Variants in LPAR5 observed in about 807,000 individuals in gnomAD.
The protein encoded by LPAR5 is G protein-coupled receptor 92.
For missense variants in LPAR5, 544 were observed against 521.8 expected, an observed-to-expected ratio of 1.04 and a Z score of -0.41; for synonymous variants, 271 against 261.6, an observed-to-expected ratio of 1.04 and a Z score of -0.35.
chr12:6,622,470 T>A (rs1032808688), intron 1 of LPAR5, among the ~76,000 whole-genome samples: 5 of 148,658 alleles, frequency 3.4e-5, no homozygotes, highest in African/African-American at 1.2e-4. Context: ...AAAATAAGGC[T>A]GGGCGTGGTG....
intron 1 of LPAR5, among the ~76,000 whole-genome samples, chr12:6,627,271 A>G (rs1948947989): frequency 6.6e-6 from 1 of 151,278 alleles, no homozygotes; most frequent in African/African-American, 2.4e-5. Context: ...CAGTTTGGGC[A>G]ACAGAGTGAG....
In LPAR5 at chr12:6,621,114, C is replaced by T. The variant is rs1948892420; in HGVS notation, c.135G>A (p.Trp45Ter). 2 of 1,603,778 alleles carry T rather than the reference C, an allele frequency of 1.2e-6. No homozygotes were observed. The highest frequency in any genetic ancestry group is 1.7e-5 in the Admixed American group (1 of 58,954). ...AGLPLNALAL[W>*]VFLRALRVHS... Reference sequence around the variant, plus strand: ...GCACGCGCAGCGCGCGCAGGAAGACCCAGAGGGCTAGCGCGTTGAGGGGGA... The same window carrying T: ...GCACGCGCAGCGCGCGCAGGAAGACTCAGAGGGCTAGCGCGTTGAGGGGGA... Residue 45 changes from tryptophan to a stop codon, truncating the protein, a stop_gained, in exon 2 of 2, where the codon TGG becomes TGA. Transcript: ENST00000329858. LOFTEE classifies it low-confidence loss of function (END_TRUNC).
chr12:6,621,343 C>T lies in LPAR5; in HGVS notation c.-95G>A. Reference sequence around the variant, plus strand: ...CACCTCCGGGGCTGGGGCCTAGAGGCTGTACAGACATGGTCCCAAAACAAG... The same window carrying T: ...CACCTCCGGGGCTGGGGCCTAGAGGTTGTACAGACATGGTCCCAAAACAAG... On this transcript the variant is annotated 5_prime_UTR_variant, in exon 2 of 2. Coordinates refer to ENST00000329858, the MANE Select transcript of LPAR5 (RefSeq NM_020400.6). The T allele has an allele frequency of 1.6e-6, 2 of 1,268,544 alleles. No individual in the cohort carries two copies. Among genetic ancestry groups the T allele is most frequent in the Non-Finnish European group, 2.1e-6 (2 of 960,776 alleles). 78.6% of individuals were successfully genotyped at this position (1,268,544 alleles called of 1,614,324 possible). A position where few individuals can be genotyped will look rare whatever the true frequency, so the allele number is the denominator to read the frequency against.
At chr12:6,634,721 A>G (rs1949000342) in intron 1 of LPAR5, among the ~76,000 whole-genome samples, 1 of 150,210 alleles carries the variant, frequency 6.7e-6, no homozygotes, top group African/African-American at 2.5e-5. Context: ...GCTTGAACCC[A>G]GGAGTTTGAG....
At chr12:6,621,615 T>A (rs1469628521) in intron 1 of LPAR5, among the ~76,000 whole-genome samples, 151 bp from the exon 2 acceptor site, 1 of 152,230 alleles carries the variant, frequency 6.6e-6, no homozygotes. Flanking sequence ...TATAGTATAG[T>A]GTTAAACACC....
At chr12:6,635,051 C>T (rs746733332) in intron 1 of LPAR5, among the ~76,000 whole-genome samples, 1 of 150,656 alleles carries the variant, frequency 6.6e-6, no homozygotes, top group Non-Finnish European at 1.5e-5. Flanking sequence ...CGTGCCACTG[C>T]ACTCCAGCCT....
chr12:6,622,317 A>AATCCCAGC (rs1245873012), intron 1 of LPAR5, among the ~76,000 whole-genome samples: 1 of 151,362 alleles, frequency 6.6e-6, no homozygotes, highest in African/African-American at 2.4e-5. Context: ...AATCCCAGCT[A>AATCCCAGC]CTCAGGGGGC....
rs187018218 is a variant in LPAR5 at position 6,625,610 on chromosome 12, T to C, written c.-216-4146A>G. ...TGGTGGTGGGCGCCTGTAGTCCCAG[T>C]TACTCAGGAGGCTGAGACAGGAGAC... On this transcript the variant is annotated intron_variant, in intron 1 of 1. Coordinates refer to ENST00000329858, the MANE Select transcript of LPAR5 (RefSeq NM_020400.6). 4.2e-3 allele frequency among the ~76,000 whole-genome samples: 546 copies of C among 129,216 alleles called. 2 individuals are homozygous for C. The highest frequency in any genetic ancestry group is 0.015 in the African/African-American group (499 of 34,198). 84.8% of individuals were successfully genotyped at this position (129,216 alleles called of 152,430 possible).
chr12:6,634,241 G>C (rs1430410596), intron 1 of LPAR5, among the ~76,000 whole-genome samples: 2 of 151,798 alleles, frequency 1.3e-5, no homozygotes, highest in Non-Finnish European at 2.9e-5. Flanking sequence ...TCTTGACCTT[G>C]TGATCTGCCC....
At chr12:6,632,825 G>A (rs1252441886) in intron 1 of LPAR5, among the ~76,000 whole-genome samples, 5 of 152,274 alleles carry the variant, frequency 3.3e-5, no homozygotes, top group East Asian at 1.9e-4. Flanking sequence ...CAGGGTGGGC[G>A]GGGAGGCCTC....
In LPAR5 at chr12:6,620,182, T is replaced by C; in HGVS notation, c.1067A>G (p.Asp356Gly). 6.2e-7 allele frequency: 1 copy of C among 1,612,376 alleles called. No homozygotes were observed. The highest frequency in any genetic ancestry group is 8.5e-7 in the Non-Finnish European group (1 of 1,179,146). ...AASQGLLRPSDSHSLSSFTQC... is the reference protein window; with the variant it reads ...AASQGLLRPSGSHSLSSFTQC... Reference sequence around the variant, plus strand: ...TGTGAAGGAAGACAGAGAGTGGGAGTCGGAGGGTCGGAGCAGCCCCTGACT... The same window carrying C: ...TGTGAAGGAAGACAGAGAGTGGGAGCCGGAGGGTCGGAGCAGCCCCTGACT... The change falls in exon 2 of 2, where the codon GAC becomes GGC. Residue 356 changes from aspartate (D) to glycine (G), a missense_variant. Physicochemically the swap from Asp to Gly is moderately conservative, Grantham distance 94. Transcript: ENST00000329858. The surrounding 1 kb of genome is among the most constrained non-coding windows in gnomAD (Gnocchi z 6.8).
intron 1 of LPAR5, among the ~76,000 whole-genome samples, chr12:6,629,752 G>A (rs1948970003): frequency 6.6e-6 from 1 of 151,826 alleles, no homozygotes; most frequent in Admixed American, 6.6e-5. Context: ...TAGGCGAAGT[G>A]ATGGCTCACA....
In LPAR5 at chr12:6,620,075, TC is replaced by T; in HGVS notation, c.*54del. The T allele has an allele frequency of 6.2e-7, 1 of 1,606,414 alleles. No homozygotes were observed. The highest frequency in any genetic ancestry group is 8.5e-7 in the Non-Finnish European group (1 of 1,176,190). ...TTCTTGTGTGTACACCCTGTAAGCC[TC>T]CCAGAACGAGAGGCGTTGGGAGTCG... On this transcript the variant is annotated 3_prime_UTR_variant, in exon 2 of 2. Coordinates refer to ENST00000329858, the MANE Select transcript of LPAR5 (RefSeq NM_020400.6). The surrounding 1 kb of genome is among the most constrained non-coding windows in gnomAD (Gnocchi z 6.8).
chr12:6,635,697 GGT>G (rs1318888604), intron 1 of LPAR5, among the ~76,000 whole-genome samples: 1 of 152,160 alleles, frequency 6.6e-6, no homozygotes, highest in Non-Finnish European at 1.5e-5. Flanking sequence ...GCACTCCCGA[GGT>G]GTAGCAGGCA....
chr12:6,623,842 CTT>C (rs1320895013), intron 1 of LPAR5, among the ~76,000 whole-genome samples: 2 of 151,922 alleles, frequency 1.3e-5, no homozygotes, highest in African/African-American at 4.8e-5. Context: ...AGGTCAAACT[CTT>C]TGAGTACATG....
chr12:6,623,266 C>T (rs1326063899), intron 1 of LPAR5, among the ~76,000 whole-genome samples: 1 of 150,346 alleles, frequency 6.7e-6, no homozygotes, highest in Admixed American at 6.6e-5. Flanking sequence ...CTGCATGGTA[C>T]CTCATGCCTG....
rs747529692 is a variant in LPAR5 at position 6,620,248 on chromosome 12, C to T, written c.1001G>A (p.Arg334Lys). Reference protein sequence around the residue: ...GTRAALAQSERSAVTTDATRP... With the variant: ...GTRAALAQSEKSAVTTDATRP... ...GGTGGCGTCGGTGGTGACGGCGGACCTTTCGGATTGCGCGAGCGCCGCCCG... is the reference window on the plus strand; with the variant it reads ...GGTGGCGTCGGTGGTGACGGCGGACTTTTCGGATTGCGCGAGCGCCGCCCG... The change falls in exon 2 of 2, where the codon AGG becomes AAG. Residue 334 changes from arginine to lysine, a missense_variant. Coordinates refer to ENST00000329858, the MANE Select transcript of LPAR5 (RefSeq NM_020400.6). The surrounding 1 kb of genome is among the most constrained non-coding windows in gnomAD (Gnocchi z 6.8). The T allele has an allele frequency of 2.5e-6, 4 of 1,610,456 alleles. No homozygotes were observed. The highest frequency in any genetic ancestry group is 1.7e-4 in the Middle Eastern group (1 of 6,052).
In LPAR5 at chr12:6,620,579, T is replaced by G; in HGVS notation, c.670A>C (p.Thr224Pro). 6.4e-7 allele frequency: 1 copy of G among 1,552,422 alleles called. No individual in the cohort carries two copies. Among genetic ancestry groups the G allele is most frequent in the Non-Finnish European group, 8.7e-7 (1 of 1,148,244 alleles). The change falls in exon 2 of 2, where the codon ACG (threonine) becomes CCG (proline). Residue 224 changes from threonine (T) to proline (P), a missense_variant. Transcript: ENST00000329858. The surrounding 1 kb of genome is among the most constrained non-coding windows in gnomAD (Gnocchi z 6.8). ...GTCTTCCGCCGCCGCTGGCTCTGCG[T>G]GGCGTCGGGGCGCGCCAGCGTCCAG... ...VFWTLARPDA[T>P]QSQRRRKTVR... is the part of the protein sequence containing the mutation.
Position 6,621,213 on chromosome 12 carries a change from A to G in LPAR5, c.36T>C (p.Val12=). 6.6e-7 allele frequency: 1 copy of G among 1,524,792 alleles called. No homozygotes were observed. The highest frequency in any genetic ancestry group is 1.4e-5 in the African/African-American group (1 of 71,910). 94.5% of individuals were successfully genotyped at this position (1,524,792 alleles called of 1,614,324 possible). ...LANSSSTNSS[V]LPCPDYRPTH... is the part of the protein sequence containing the mutation. ...TAGGTCGGTAGTCAGGACACGGGAG[A>G]ACAGAACTGTTGGTTGAGGAGCTGT... Residue 12 remains valine (V), a synonymous_variant, in exon 2 of 2, where the codon GTT becomes GTC. Coordinates refer to ENST00000329858, the MANE Select transcript of LPAR5 (RefSeq NM_020400.6).
Sources: gnomAD v4.1 joint callset for allele counts (sites outside exome capture counted in the v4.1 genomes callset) on GRCh38, gnomAD v4.1.1 for gene constraint, Gnocchi (gnomAD v3.1) non-coding constraint, MANE v1.5 for transcripts, NCBI Gene and HGNC (gene_info 2026-07-23, HGNC 2026-07-21) for gene names.